Variants in LPCAT4 observed in about 807,000 individuals in gnomAD.
LPCAT4 encodes the protein lysophosphatidylcholine acyltransferase 4, also known as lysophospholipid acyltransferase LPCAT4.
A neutral mutation model predicts 66.5 loss-of-function variants in LPCAT4; 30 were observed. The ratio of observed to expected loss-of-function variants is 0.45; its 90% CI spans 0.34 to 0.61. The LOEUF is 0.61. Among genes scored for constraint, LPCAT4 ranks in the 20% least tolerant of loss-of-function variants. LPCAT4 has a pLI of 0.01. For synonymous variants in LPCAT4, 253 were observed against 262.1 expected (o/e 0.97, Z 0.34); for missense variants, 557 against 656.7 (o/e 0.85, Z 1.66).
At chr15:34,359,377 A>G in intron 13 of LPCAT4, 75 bp from the exon 14 acceptor site, 1 of 1,412,054 alleles carries the variant, frequency 7.1e-7, no homozygotes, top group Non-Finnish European at 9.4e-7. Flanking sequence ...TTTTCTCAGA[A>G]CTAAAACACC....
chr15:34,365,117 G>T lies in LPCAT4; in HGVS notation c.369C>A (p.Val123=). ...AAGTGGAGTGTGGGGCAGCAACAAG[G>T]ACAGGGGCTTGAAGGCGAGAGGCTC... ...GQRASRLQAP[V]LVAAPHSTFF... is the part of the protein sequence containing the mutation. Residue 123 remains valine, a synonymous_variant, in exon 3 of 14, where the codon GTC becomes GTA. Transcript: ENST00000314891. The T allele has an allele frequency of 6.2e-7, 1 of 1,614,232 alleles. No individual in the cohort carries two copies. Among genetic ancestry groups the T allele is most frequent in the African/African-American group, 1.3e-5 (1 of 75,064 alleles).
chr15:34,359,676 G>A lies in LPCAT4; in HGVS notation c.1312C>T (p.His438Tyr), dbSNP rs776131685. ...GGGTGGGGTGAACCCAGCAGCAGGT[G>A]CAGGATGGTGCTGAAGCCGTCTTTG... Reference protein sequence around the residue: ...LYKDGFSTILHLLLGSPHPAA... With the variant: ...LYKDGFSTILYLLLGSPHPAA... The change falls in exon 13 of 14, where the codon CAC (histidine) becomes TAC (tyrosine). Residue 438 changes from histidine to tyrosine, a missense_variant. Physicochemically the swap from His to Tyr is moderately conservative, Grantham distance 83 (BLOSUM62 2). Coordinates refer to ENST00000314891, the MANE Select transcript of LPCAT4 (RefSeq NM_153613.3). 4 of 1,613,668 alleles carry A rather than the reference G, an allele frequency of 2.5e-6. No homozygotes were observed. In the African/African-American group the frequency reaches 5.3e-5, roughly 22 times the overall value.
intron 11 of LPCAT4, among the ~76,000 whole-genome samples, chr15:34,360,753 C>T (rs182150672): frequency 3.1e-4 from 47 of 152,322 alleles, no homozygotes; most frequent in Non-Finnish European, 5.9e-4. Flanking sequence ...AATCTAGATA[C>T]CTGGTCACTC....
At chr15:34,360,651 T>C (rs1890920266) in intron 11 of LPCAT4, among the ~76,000 whole-genome samples, 1 of 152,228 alleles carries the variant, frequency 6.6e-6, no homozygotes, top group Admixed American at 6.5e-5. Context: ...ACCAGCTCCA[T>C]GGGAGACCAT....
intron 12 of LPCAT4, 152 bp from the exon 13 acceptor site, chr15:34,359,897 C>T: frequency 1.2e-6 from 1 of 863,098 alleles, no homozygotes; most frequent in East Asian, 2.7e-5. Flanking sequence ...GAACTGTAGA[C>T]TTTATAGCTT....
intron 13 of LPCAT4, 83 bp downstream of exon 13, chr15:34,359,506 C>T: frequency 1.3e-6 from 2 of 1,529,950 alleles, no homozygotes; most frequent in Middle Eastern, 4.9e-4. Flanking sequence ...GCCACTAACC[C>T]TTGTTCCCTC....
chr15:34,365,397 A>G, intron 2 of LPCAT4, 162 bp downstream of exon 2: 5 of 1,166,392 alleles, frequency 4.3e-6, no homozygotes, highest in Non-Finnish European at 6.0e-6. Context: ...CATTACTTAG[A>G]GGTGAGGTCT....
At chr15:34,359,390 G>T in intron 13 of LPCAT4, 88 bp from the exon 14 acceptor site, 1 of 1,361,132 alleles carries the variant, frequency 7.3e-7, no homozygotes, top group Non-Finnish European at 9.8e-7. Context: ...AAAACACCTT[G>T]TGCCTCTACT....
At chr15:34,360,056 G>A in intron 12 of LPCAT4, 55 bp downstream of exon 12, 4 of 1,423,338 alleles carry the variant, frequency 2.8e-6, no homozygotes, top group Non-Finnish European at 3.9e-6. Context: ...TAGGCCTCCT[G>A]GAGCGGGGTG....
At chr15:34,362,730 G>C (rs200522453) in intron 8 of LPCAT4, 52 bp downstream of exon 8, 34 of 1,612,184 alleles carry the variant, frequency 2.1e-5, no homozygotes, top group Non-Finnish European at 2.8e-5. Context: ...CTTTTCCCAA[G>C]GTTTCAGGAG....
chr15:34,362,160 G>A (rs1408984563), intron 10 of LPCAT4, 36 bp downstream of exon 10: 10 of 1,278,808 alleles, frequency 7.8e-6, no homozygotes, highest in Non-Finnish European at 9.8e-6. Flanking sequence ...CTCTCTCTGT[G>A]ACACTGCTCA....
intron 10 of LPCAT4, among the ~76,000 whole-genome samples, 191 bp from the exon 11 acceptor site, chr15:34,361,723 G>A (rs998822512): frequency 2.7e-5 from 4 of 150,714 alleles, no homozygotes; most frequent in South Asian, 2.1e-4. Context: ...TTTTTTTGAC[G>A]GAGTCTTGCT....
chr15:34,365,296 C>T, intron 2 of LPCAT4, 68 bp from the exon 3 acceptor site: 1 of 1,489,550 alleles, frequency 6.7e-7, no homozygotes, highest in Non-Finnish European at 9.1e-7. Context: ...CAGGTTCAGA[C>T]ACCGGGAAAG....
Position 34,360,307 on chromosome 15 carries a change from G to A in LPCAT4, c.1144-98C>T, listed in dbSNP as rs894669855. The A allele has an allele frequency of 1.7e-5, 15 of 865,270 alleles. No individual in the cohort carries two copies. The African/African-American group carries it at 2.5e-4, about 14-fold the overall frequency. 53.6% of individuals were successfully genotyped at this position (865,270 alleles called of 1,614,324 possible). On this transcript the variant is annotated intron_variant, in intron 11 of 13. Coordinates refer to ENST00000314891, the MANE Select transcript of LPCAT4 (RefSeq NM_153613.3). ...TCCCTCTTCTCAGCAAATAATGGGG[G>A]TGATCCCTGTGACTGCTCCCCTCAG... is the stretch of plus-strand genomic sequence containing the variant.
chr15:34,363,889 G>C lies in LPCAT4; in HGVS notation c.652+124C>G. On this transcript the variant is annotated intron_variant, in intron 5 of 13. Transcript: ENST00000314891. This position sits in a 1 kb window ranked among gnomAD's most constrained non-coding sequence, Gnocchi z 4.3. Reference sequence around the variant, plus strand: ...TCGACTTGACAGCATTAGCTAGGAGGTTCCTGGTCTCCCTTCCTCTCCCAT... The same window carrying C: ...TCGACTTGACAGCATTAGCTAGGAGCTTCCTGGTCTCCCTTCCTCTCCCAT... 7.8e-7 allele frequency: 1 copy of C among 1,280,630 alleles called. No homozygotes were observed. Among genetic ancestry groups the C allele is most frequent in the Non-Finnish European group, 1.1e-6 (1 of 891,102 alleles). 79.3% of individuals were successfully genotyped at this position (1,280,630 alleles called of 1,614,324 possible).
At chr15:34,362,052 T>C (rs1890957225) in intron 10 of LPCAT4, 144 bp downstream of exon 10, 1 of 1,141,478 alleles carries the variant, frequency 8.8e-7, no homozygotes, top group Admixed American at 2.5e-5. Flanking sequence ...TATTCCCCAC[T>C]TCCTTTTATT....
Position 34,359,109 on chromosome 15 carries a change from G to C in LPCAT4, c.*18C>G. ...CCTAGCGCTGCCCTGAGGAGGAGGG[G>C]GTGAGAGGCTGAGGCACTCAGTCTC... is the stretch of plus-strand genomic sequence containing the variant. On this transcript the variant is annotated 3_prime_UTR_variant, in exon 14 of 14. Transcript: ENST00000314891. 3.1e-6 allele frequency: 5 copies of C among 1,593,790 alleles called. No homozygotes were observed. In the South Asian group the frequency reaches 5.7e-5, roughly 18 times the overall value.
intron 7 of LPCAT4, 22 bp from the exon 8 acceptor site, chr15:34,362,858 TA>T: frequency 6.2e-7 from 1 of 1,612,446 alleles, no homozygotes; most frequent in Middle Eastern, 1.7e-4. Flanking sequence ...GAGATTTCGA[TA>T]CTCACCAATC....
intron 2 of LPCAT4, 111 bp from the exon 3 acceptor site, chr15:34,365,339 G>T: frequency 7.9e-7 from 1 of 1,260,766 alleles, no homozygotes; most frequent in South Asian, 1.4e-5. Context: ...TAAATAGGAT[G>T]TGACCAAGGG....
Sources: gnomAD v4.1 joint callset for allele counts (sites outside exome capture counted in the v4.1 genomes callset) on GRCh38, gnomAD v4.1.1 for gene constraint, Gnocchi (gnomAD v3.1) non-coding constraint, MANE v1.5 for transcripts, NCBI Gene and HGNC (gene_info 2026-07-23, HGNC 2026-07-21) for gene names.